Variants in TMEM182 observed in about 807,000 individuals in gnomAD.
TMEM182 encodes transmembrane protein 182.
A neutral mutation model predicts 26.8 loss-of-function variants in TMEM182; 20 were observed. The ratio of observed to expected loss-of-function variants is 0.75; its 90% CI spans 0.53 to 1.09. TMEM182 has a LOEUF of 1.09. Among genes scored for constraint, TMEM182 ranks in the 50% least tolerant of loss-of-function variants. The probability of loss-of-function intolerance (pLI) is 0.00; values close to 1 mark genes in which losing one functional copy is unlikely to be tolerated. For missense variants in TMEM182, 277 were observed against 275.5 expected (o/e 1.01, Z -0.04); for synonymous variants, 109 against 102.2 (o/e 1.07, Z -0.40).
In TMEM182 at chr2:102,839,447, CTA is replaced by C. The variant is rs10691405; in HGVS notation, c.326-3942_326-3941del. 4.2e-3 allele frequency among the ~76,000 whole-genome samples: 561 copies of C among 134,382 alleles called. 11 individuals are homozygous for C. Among genetic ancestry groups the C allele is most frequent in the African/African-American group, 0.01 (365 of 35,726 alleles). 88.2% of individuals were successfully genotyped at this position (134,382 alleles called of 152,430 possible). A position where few individuals can be genotyped will look rare whatever the true frequency, so the allele number is the denominator to read the frequency against. ...TTATGGAGTACATTGTGATGTTTTG[CTA>C]TATATATATATATATATATATAATA... is the stretch of plus-strand genomic sequence containing the variant. On this transcript the variant is annotated intron_variant, in intron 3 of 3. Transcript: ENST00000486293.
chr2:102,770,167 A>G (rs931474546), intron 3 of TMEM182, among the ~76,000 whole-genome samples: 3 of 152,208 alleles, frequency 2.0e-5, no homozygotes, highest in Non-Finnish European at 4.4e-5. Flanking sequence ...AGAAAGAAGC[A>G]TTAAGAAACA....
upstream of TMEM182, chr2:102,758,308 C>T: frequency 1.7e-6 from 1 of 591,308 alleles, no homozygotes; most frequent in South Asian, 2.2e-5. Context: ...TGCTTAACAG[C>T]CTTCCTAGTG....
chr2:102,820,697 A>C (rs1360478734), downstream of TMEM182, among the ~76,000 whole-genome samples: 1 of 152,222 alleles, frequency 6.6e-6, no homozygotes, highest in Non-Finnish European at 1.5e-5. Context: ...TGTTCTAGAA[A>C]TGGCAAGGCA....
intron 1 of TMEM182, among the ~76,000 whole-genome samples, chr2:102,756,703 C>T (rs568486061): frequency 1.8e-3 from 269 of 152,200 alleles, no homozygotes; most frequent in Non-Finnish European, 3.1e-3. Context: ...AGCGAGACTC[C>T]GTCTCAAGAA....
intron 3 of TMEM182, among the ~76,000 whole-genome samples, chr2:102,835,551 T>C (rs980672351): frequency 6.6e-6 from 1 of 152,162 alleles, no homozygotes; most frequent in Admixed American, 6.5e-5. Context: ...GTATCCACCA[T>C]TATAGTACAA....
chr2:102,831,539 C>A (rs573370419), intron 3 of TMEM182, among the ~76,000 whole-genome samples: 22 of 152,136 alleles, frequency 1.4e-4, no homozygotes, highest in African/African-American at 5.1e-4. Context: ...GGCAGATCAC[C>A]TGAGGTTAGG....
At chr2:102,803,138 A>T (rs1309063608) in intron 4 of TMEM182, among the ~76,000 whole-genome samples, 1 of 152,150 alleles carries the variant, frequency 6.6e-6, no homozygotes, top group Non-Finnish European at 1.5e-5. Flanking sequence ...GTCCCTTGAA[A>T]CACCACAGAG....
At chr2:102,826,356 G>A (rs187830123) in intron 3 of TMEM182, among the ~76,000 whole-genome samples, 4 of 150,360 alleles carry the variant, frequency 2.7e-5, no homozygotes, top group South Asian at 2.1e-4. Flanking sequence ...TTAGAGCGGC[G>A]GTGGGGGCTA....
intron 4 of TMEM182, among the ~76,000 whole-genome samples, chr2:102,807,331 G>T (rs1682386314): frequency 6.6e-6 from 1 of 152,198 alleles, no homozygotes; most frequent in South Asian, 2.1e-4. Flanking sequence ...AATTAAGGCT[G>T]TGTCAGAAAA....
Position 102,778,455 on chromosome 2 carries a change from T to A in TMEM182, c.331+14028T>A, listed in dbSNP as rs534169125. On this transcript the variant is annotated intron_variant, in intron 3 of 4. Transcript: ENST00000412401. ...GGGTGATTTTTTTATAAAAATCTGG[T>A]CTGGGAAGCTGTGCCTTTAGTTGAT... is the stretch of plus-strand genomic sequence containing the variant. 9.9e-5 allele frequency among the ~76,000 whole-genome samples: 15 copies of A among 152,164 alleles called. No individual in the cohort carries two copies. In the South Asian group the frequency reaches 2.9e-3, roughly 29 times the overall value.
At chr2:102,839,931 G>T (rs1308423431) in intron 3 of TMEM182, among the ~76,000 whole-genome samples, 2 of 152,170 alleles carry the variant, frequency 1.3e-5, no homozygotes, top group Non-Finnish European at 1.5e-5. Context: ...ATAGGCAAAA[G>T]ACATATTCTC....
At chr2:102,810,987 G>A (rs1469129708) in intron 4 of TMEM182, among the ~76,000 whole-genome samples, 4 of 132,288 alleles carry the variant, frequency 3.0e-5, no homozygotes, top group Admixed American at 8.6e-5. Context: ...TCAAAATACA[G>A]ATGTTGTAAA....
intron 3 of TMEM182, 44 bp downstream of exon 3, chr2:102,764,471 C>G: frequency 6.5e-7 from 1 of 1,542,830 alleles, no homozygotes; most frequent in Non-Finnish European, 8.9e-7. Flanking sequence ...AGGGTCTTAT[C>G]TTTCTGAAGG....
chr2:102,816,509 C>CTAATAATAA lies in TMEM182; in HGVS notation c.*1541_*1542insTAATAATAA, dbSNP rs1558789237. The CTAATAATAA allele has an allele frequency of 1.3e-6, 1 of 769,808 alleles. No individual in the cohort carries two copies. Among genetic ancestry groups the CTAATAATAA allele is most frequent in the African/African-American group, 2.7e-5 (1 of 37,312 alleles). 47.7% of individuals were successfully genotyped at this position (769,808 alleles called of 1,614,324 possible). A position where few individuals can be genotyped will look rare whatever the true frequency, so the allele number is the denominator to read the frequency against. ...CAGGGCATTTTCATGACAGGACTTGCCAATAATAATAATAATAATAATAAT... is the reference window on the plus strand; with the variant it reads ...CAGGGCATTTTCATGACAGGACTTGCTAATAATAACAATAATAATAATAATAATAATAAT... On this transcript the variant is annotated 3_prime_UTR_variant, in exon 5 of 5. Transcript: ENST00000412401.
intron 4 of TMEM182, among the ~76,000 whole-genome samples, chr2:102,799,799 G>A (rs1340066856): frequency 6.6e-6 from 1 of 152,166 alleles, no homozygotes; most frequent in Non-Finnish European, 1.5e-5. Context: ...AGAGTAATAT[G>A]TTCAGGTTTC....
upstream of TMEM182, chr2:102,757,298 C>T (rs1680071811): frequency 6.6e-6 from 1 of 152,194 alleles, no homozygotes; most frequent in Non-Finnish European, 1.5e-5. Flanking sequence ...CTTAAACAAA[C>T]ATTTAACATT....
chr2:102,742,855 A>T (rs1241398427), intron 1 of TMEM182, among the ~76,000 whole-genome samples: 4 of 152,032 alleles, frequency 2.6e-5, no homozygotes, highest in Non-Finnish European at 4.4e-5. Flanking sequence ...AAAAATAAAA[A>T]TTTTCTCAGG....
intron 4 of TMEM182, among the ~76,000 whole-genome samples, chr2:102,805,497 A>T (rs1307741195): frequency 6.6e-6 from 1 of 152,144 alleles, no homozygotes; most frequent in Non-Finnish European, 1.5e-5. Flanking sequence ...TTCACGGTCT[A>T]ACACCTGCCC....
intron 4 of TMEM182, among the ~76,000 whole-genome samples, chr2:102,803,640 A>G (rs1007025218): frequency 1.3e-5 from 2 of 152,248 alleles, no homozygotes; most frequent in Non-Finnish European, 1.5e-5. Flanking sequence ...AATACTAGAA[A>G]AAACAGCTCG....
Sources: allele counts gnomAD v4.1 joint callset (sites outside exome capture counted in the v4.1 genomes callset), GRCh38; gene constraint gnomAD v4.1.1; transcripts MANE v1.5; gene names NCBI Gene and HGNC (gene_info 2026-07-23, HGNC 2026-07-21).